The following ARL6IP6 variants were observed in gnomAD, a reference collection of about 807,000 sequenced individuals.
ARL6IP6 encodes ADP-ribosylation factor-like protein 6-interacting protein 6.
In ARL6IP6, 22 loss-of-function variants were observed where a neutral mutation model predicts 21.5. That is an observed-to-expected ratio of 1.02 (90% CI 0.73 to 1.46). The LOEUF is 1.46. Among genes scored for constraint, ARL6IP6 ranks in the 40% most tolerant of loss-of-function variants. ARL6IP6 has a pLI of 0.00. For synonymous variants in ARL6IP6, 164 were observed against 125.3 expected (o/e 1.31, Z -2.06); for missense variants, 388 against 299.8 (o/e 1.29, Z -2.17).
rs771114689 is a variant in ARL6IP6 at position 152,720,561 on chromosome 2, AGAT to A, written c.434_436del (p.Asp145del). The A allele has an allele frequency of 1.2e-6, 2 of 1,614,088 alleles. No homozygotes were observed. Among genetic ancestry groups the A allele is most frequent in the South Asian group, 2.2e-5 (2 of 91,084 alleles). ...TGCATGCTGAGAATTTGAAAAATGA[AGAT>A]GATGTAGACACTGGACTATTAGGTA... On this transcript the variant is annotated inframe_deletion, in exon 2 of 4. Coordinates refer to ENST00000326446, the MANE Select transcript of ARL6IP6 (RefSeq NM_152522.7).
At position 152,735,024 on chromosome 2, in the gene ARL6IP6, C is replaced by T; in HGVS notation, c.485C>T (p.Thr162Ile). Residue 162 changes from threonine to isoleucine, a missense_variant, in exon 3 of 4, where the codon ACT (threonine) becomes ATT (isoleucine). By Grantham distance (89) the Thr-to-Ile change is moderately conservative. Coordinates refer to ENST00000326446, the MANE Select transcript of ARL6IP6 (RefSeq NM_152522.7). ...TGGACTCTACTTATAATATCCCTAA[C>T]TGCTGGATTCTCCTGTTGCAGCTTT... ...GFWTLLIISL[T>I]AGFSCCSFSW... 6.2e-7 allele frequency: 1 copy of T among 1,613,350 alleles called. No individual in the cohort carries two copies. Among genetic ancestry groups the T allele is most frequent in the Non-Finnish European group, 8.5e-7 (1 of 1,179,350 alleles).
At chr2:152,751,916 G>C (rs1266668968) in intron 3 of ARL6IP6, among the ~76,000 whole-genome samples, 3 of 152,070 alleles carry the variant, frequency 2.0e-5, no homozygotes, top group Non-Finnish European at 4.4e-5. Context: ...GGATTATATG[G>C]TAGTTTCATT....
intron 2 of ARL6IP6, among the ~76,000 whole-genome samples, chr2:152,734,091 A>G (rs1427609327): frequency 6.6e-6 from 1 of 152,220 alleles, no homozygotes; most frequent in Admixed American, 6.5e-5. Context: ...TCCTTTTATT[A>G]TTATTAATGG....
chr2:152,717,783 GT>G (rs1172916290), upstream of ARL6IP6: 2 of 1,208,026 alleles, frequency 1.7e-6, no homozygotes, highest in Non-Finnish European at 2.1e-6. Flanking sequence ...GGCAGTGGGG[GT>G]CTGCCACCTT....
At chr2:152,724,274 AT>A (rs1191440863) in intron 2 of ARL6IP6, among the ~76,000 whole-genome samples, 5 of 152,202 alleles carry the variant, frequency 3.3e-5, no homozygotes, top group African/African-American at 1.2e-4. Flanking sequence ...GAAAGCACAA[AT>A]TTAAGTTTAG....
intron 3 of ARL6IP6, among the ~76,000 whole-genome samples, chr2:152,748,346 T>C (rs1701156868): frequency 6.6e-6 from 1 of 152,254 alleles, no homozygotes; most frequent in Non-Finnish European, 1.5e-5. Context: ...GAAATGCTTT[T>C]TAAGTTAATA....
chr2:152,747,414 T>G (rs1165163504), intron 3 of ARL6IP6, among the ~76,000 whole-genome samples: 1 of 152,162 alleles, frequency 6.6e-6, no homozygotes, highest in Non-Finnish European at 1.5e-5. Flanking sequence ...CAATTTTAGT[T>G]CAGGTATTAG....
At chr2:152,722,003 C>T (rs1218866644) in intron 2 of ARL6IP6, among the ~76,000 whole-genome samples, 1 of 152,182 alleles carries the variant, frequency 6.6e-6, no homozygotes. Flanking sequence ...GATCTGTCAC[C>T]TCTTGATGCA....
At chr2:152,737,347 G>A (rs907146323) in intron 3 of ARL6IP6, among the ~76,000 whole-genome samples, 8 of 152,036 alleles carry the variant, frequency 5.3e-5, no homozygotes, top group African/African-American at 1.9e-4. Context: ...GAAGGTTTTA[G>A]TATTCTGTTA....
intron 3 of ARL6IP6, among the ~76,000 whole-genome samples, chr2:152,747,016 G>A (rs1271581760): frequency 1.3e-5 from 2 of 151,756 alleles, no homozygotes; most frequent in Non-Finnish European, 2.9e-5. Context: ...ATTTTGTAGA[G>A]ATAGGGTCTC....
At chr2:152,750,021 A>C (rs988987943) in intron 3 of ARL6IP6, among the ~76,000 whole-genome samples, 2 of 152,210 alleles carry the variant, frequency 1.3e-5, no homozygotes, top group African/African-American at 4.8e-5. Context: ...GGTCTCCTTA[A>C]TTGACTCTTT....
At chr2:152,735,265 G>T in intron 3 of ARL6IP6, 139 bp downstream of exon 3, 1 of 768,422 alleles carries the variant, frequency 1.3e-6, no homozygotes. Context: ...GGACTTTTCA[G>T]CTTGTAGGCT....
At chr2:152,754,308 G>C (rs116146457) in intron 3 of ARL6IP6, among the ~76,000 whole-genome samples, 7 of 147,980 alleles carry the variant, frequency 4.7e-5, no homozygotes, top group Non-Finnish European at 7.6e-5. Context: ...AAATGGAATC[G>C]TACAGATTTT....
intron 2 of ARL6IP6, among the ~76,000 whole-genome samples, chr2:152,731,687 T>C (rs754318059): frequency 2.6e-5 from 4 of 152,174 alleles, no homozygotes; most frequent in African/African-American, 4.8e-5. Flanking sequence ...ATTCAAAAAG[T>C]GTAAAAGAGT....
intron 3 of ARL6IP6, among the ~76,000 whole-genome samples, chr2:152,737,649 G>A (rs1461775932): frequency 6.6e-6 from 1 of 152,178 alleles, no homozygotes; most frequent in Non-Finnish European, 1.5e-5. Context: ...AGACTGTGCA[G>A]GGGAACTGCT....
intron 2 of ARL6IP6, among the ~76,000 whole-genome samples, chr2:152,722,727 A>AC (rs1699849780): frequency 6.6e-6 from 1 of 152,094 alleles, no homozygotes; most frequent in Admixed American, 6.5e-5. Flanking sequence ...ACATGGTGAA[A>AC]CCCCGCCTTT....
upstream of ARL6IP6, chr2:152,717,650 G>A (rs1430856451): frequency 1.7e-5 from 24 of 1,426,886 alleles, no homozygotes; most frequent in East Asian, 5.1e-5. Flanking sequence ...GGGAGGAGGA[G>A]GACGGAGGAA....
chr2:152,737,896 C>A (rs1288086374), intron 3 of ARL6IP6, among the ~76,000 whole-genome samples: 2 of 152,132 alleles, frequency 1.3e-5, no homozygotes, highest in Non-Finnish European at 2.9e-5. Context: ...CATGCCTTCC[C>A]AACAGTCCCC....
intron 1 of ARL6IP6, 114 bp from the exon 2 acceptor site, chr2:152,720,419 G>C (rs770477477): frequency 1.0e-6 from 1 of 1,000,952 alleles, no homozygotes; most frequent in Non-Finnish European, 1.6e-6. Flanking sequence ...TTTGAACCCA[G>C]TTCTTTGTGA....
Sources: gnomAD v4.1 joint callset for allele counts (sites outside exome capture counted in the v4.1 genomes callset) on GRCh38, gnomAD v4.1.1 for gene constraint, MANE v1.5 for transcripts, NCBI Gene and HGNC (gene_info 2026-07-23, HGNC 2026-07-21) for gene names.